Variants in NBPF20 observed in about 807,000 individuals in gnomAD.
NBPF20 encodes the protein NBPF member 20.
NBPF20 carries 90 observed loss-of-function variants against 68.1 expected under a neutral mutation model. The observed-to-expected ratio is 1.32, with a 90% CI of 1.11 to 1.58. The LOEUF is 1.58. NBPF20 is among the 40% of genes most tolerant of loss of function. The probability of loss-of-function intolerance (pLI) is 0.00; values close to 1 mark genes in which losing one functional copy is unlikely to be tolerated. For synonymous variants in NBPF20, 290 were observed against 228.1 expected, an observed-to-expected ratio of 1.27 and a Z score of -2.45; for missense variants, 816 against 601.2, an observed-to-expected ratio of 1.36 and a Z score of -3.74.
At chr1:145,404,789 A>G (rs1349537237) in intron 2 of NBPF20, among the ~76,000 whole-genome samples, 1 of 151,696 alleles carries the variant, frequency 6.6e-6, no homozygotes, top group Non-Finnish European at 1.5e-5. Flanking sequence ...GCAGGATCTT[A>G]TATGGTACAG....
In NBPF20 at chr1:145,292,372, G is replaced by C. The variant is rs1661177585; in HGVS notation, c.16697+9C>G. The C allele has an allele frequency of 1.5e-6, 1 of 674,596 alleles. No individual in the cohort carries two copies. The highest frequency in any genetic ancestry group is 2.6e-6 in the Non-Finnish European group (1 of 381,656). The allele number at this position is 674,596 out of a possible 1,614,324, so 41.8% of individuals were successfully genotyped here. ...ACAGAATTAAGCATCCACAATTGCT[G>C]AAAGTCACCTGGGGCATGGTGGGTT... is the stretch of plus-strand genomic sequence containing the variant. On this transcript the variant is annotated intron_variant, in intron 137 of 137. Transcript: ENST00000369373.
chr1:145,399,913 G>T (rs1170583063), intron 6 of NBPF20, among the ~76,000 whole-genome samples: 1 of 151,400 alleles, frequency 6.6e-6, no homozygotes, highest in East Asian at 1.9e-4. Context: ...AAAAGTTTCT[G>T]TCCTGATTTC....
At chr1:145,395,042 C>T in exon 8 of NBPF20, 1 of 1,611,544 alleles carries the variant, frequency 6.2e-7, no homozygotes, top group Non-Finnish European at 8.5e-7. Context: ...TGCTGTAAGA[C>T]TGGTACGAGG....
At chr1:145,404,013 G>T (rs1662648899) in intron 2 of NBPF20, among the ~76,000 whole-genome samples, 1 of 115,320 alleles carries the variant, frequency 8.7e-6, no homozygotes, top group African/African-American at 3.5e-5. Context: ...AATTTACAGA[G>T]GTAGGTATTA....
chr1:145,407,542 G>T (rs1334384167), upstream of NBPF20, among the ~76,000 whole-genome samples: 2 of 145,258 alleles, frequency 1.4e-5, no homozygotes, highest in Non-Finnish European at 3.0e-5. Flanking sequence ...TATATAATAC[G>T]TGTATATACA....
intron 2 of NBPF20, 92 bp downstream of exon 7, chr1:145,405,006 G>T: frequency 7.0e-6 from 11 of 1,566,896 alleles, no homozygotes; most frequent in East Asian, 2.2e-5. Context: ...GTACAAGAAG[G>T]ATGAAATTAT....
At chr1:145,342,790 C>G (rs1282498028) in intron 73 of NBPF20, among the ~76,000 whole-genome samples, 1 of 116,526 alleles carries the variant, frequency 8.6e-6, no homozygotes, top group Non-Finnish European at 1.8e-5. Context: ...CACACACACA[C>G]ACACAGACAC....
chr1:145,394,203 T>A (rs1218473835), intron 8 of NBPF20, among the ~76,000 whole-genome samples: 2 of 151,918 alleles, frequency 1.3e-5, no homozygotes, highest in Admixed American at 6.6e-5. Context: ...AATGAGAAAT[T>A]TTTTCCCCAA....
chr1:145,393,376 A>C (rs1662012911), intron 9 of NBPF20, 130 bp from the exon 15 acceptor site: 5 of 712,220 alleles, frequency 7.0e-6, no homozygotes, highest in Non-Finnish European at 1.3e-5. Context: ...TGAGGTAAGA[A>C]ATTATTGCCT....
At chr1:145,397,471 T>C in intron 7 of NBPF20, among the ~76,000 whole-genome samples, 1 of 152,260 alleles carries the variant, frequency 6.6e-6, no homozygotes. Context: ...CAGAATTTCA[T>C]ATCCAGCCAA....
the NBPF20 span, among the ~76,000 whole-genome samples, chr1:145,421,290 C>T: frequency 1.3e-5 from 2 of 152,174 alleles, no homozygotes; most frequent in African/African-American, 4.8e-5. Flanking sequence ...TATCTGTACA[C>T]GTATATTCTA....
chr1:145,408,985 T>A (rs1553668370), upstream of NBPF20, among the ~76,000 whole-genome samples: 1 of 149,810 alleles, frequency 6.7e-6, no homozygotes, highest in African/African-American at 2.5e-5. Flanking sequence ...CGTTTACAAA[T>A]GGATACACTA....
upstream of NBPF20, among the ~76,000 whole-genome samples, chr1:145,409,386 C>T (rs1348763321): frequency 6.8e-6 from 1 of 147,704 alleles, no homozygotes; most frequent in Non-Finnish European, 1.5e-5. Context: ...GCCTCCCTAA[C>T]AACTGTTTCA....
At position 145,401,057 on chromosome 1, in the gene NBPF20, A is replaced by C. The variant is rs1662499468; in HGVS notation, c.566+2T>G. Reference sequence around the variant, plus strand: ...TAATTGTTCCTGAGTATTCAGTGTTACCTGGGGGCAGACGATTTCTGCACT... The same window carrying C: ...TAATTGTTCCTGAGTATTCAGTGTTCCCTGGGGGCAGACGATTTCTGCACT... On this transcript the variant is annotated splice_donor_variant, in intron 5 of 137. Coordinates refer to ENST00000369373, the Ensembl canonical transcript of NBPF20. LOFTEE classifies it high-confidence loss of function. 1.2e-6 allele frequency: 2 copies of C among 1,606,142 alleles called. No individual in the cohort carries two copies. Among genetic ancestry groups the C allele is most frequent in the Admixed American group, 1.7e-5 (1 of 59,972 alleles).
intron 8 of NBPF20, among the ~76,000 whole-genome samples, chr1:145,394,238 C>A (rs1662101002): frequency 6.6e-6 from 1 of 151,746 alleles, no homozygotes; most frequent in South Asian, 2.1e-4. Context: ...ATAGTTCTAA[C>A]ACCTCATAGG....
chr1:145,408,682 G>T (rs1456561439), upstream of NBPF20, among the ~76,000 whole-genome samples: 3 of 151,842 alleles, frequency 2.0e-5, no homozygotes, highest in African/African-American at 4.8e-5. Flanking sequence ...AATCAGAATT[G>T]TGTTGATGTA....
intron 9 of NBPF20, 91 bp downstream of exon 14, chr1:145,393,793 A>T: frequency 1.5e-6 from 2 of 1,349,472 alleles, no homozygotes; most frequent in Non-Finnish European, 2.1e-6. Context: ...GACAAGACAA[A>T]ATCATTATTT....
rs781848390 is a variant in NBPF20, at chr1:145,405,212, TG to T, written c.60del (p.Asn21ThrfsTer24). 8.1e-6 allele frequency: 13 copies of T among 1,611,598 alleles called. No individual in the cohort carries two copies. Among genetic ancestry groups the T allele is most frequent in the Non-Finnish European group, 1.1e-5 (13 of 1,179,052 alleles). ...GCCAACTGGGGGCGCAATTTCTCGT[TG>T]ATTTCTAGAATGTTCATCTCTGCCT... is the stretch of plus-strand genomic sequence containing the variant. On this transcript the variant is annotated frameshift_variant, in exon 2 of 138. Transcript: ENST00000369373. LOFTEE classifies it high-confidence loss of function.
At chr1:145,393,667 T>A (rs1443623297) in intron 9 of NBPF20, 1 of 1,330,790 alleles carries the variant, frequency 7.5e-7, no homozygotes, top group East Asian at 2.5e-5. Flanking sequence ...AGCTTTTGAG[T>A]TATGGTCAAC....
Sources: gnomAD v4.1 joint callset for allele counts (sites outside exome capture counted in the v4.1 genomes callset) on GRCh38, gnomAD v4.1.1 for gene constraint, MANE v1.5 for transcripts, NCBI Gene and HGNC (gene_info 2026-07-23, HGNC 2026-07-21) for gene names.